The following PRKD3 variants were observed in gnomAD, a reference collection of about 807,000 sequenced individuals.
PRKD3 encodes the protein protein kinase D3.
A neutral mutation model predicts 99.2 loss-of-function variants in PRKD3; 47 were observed. The observed-to-expected ratio is 0.47, with a 90% CI of 0.38 to 0.60. The LOEUF (loss-of-function observed/expected upper bound fraction) is 0.60, where lower values mean the gene tolerates loss of function less well. Ranked by LOEUF, PRKD3 falls within the 20% of genes least tolerant of loss-of-function variation. The probability of loss-of-function intolerance (pLI) is 0.00; values close to 1 mark genes in which losing one functional copy is unlikely to be tolerated. For synonymous variants in PRKD3, 392 were observed against 355.4 expected (o/e 1.10, Z -1.16); for missense variants, 1,019 against 1,088.4 (o/e 0.94, Z 0.90).
intron 6 of PRKD3, among the ~76,000 whole-genome samples, chr2:37,283,073 C>A (rs1669929619): frequency 6.6e-6 from 1 of 152,210 alleles, no homozygotes; most frequent in African/African-American, 2.4e-5. Flanking sequence ...CTGAGTTTCT[C>A]CAGCACAAGG....
intron 13 of PRKD3, chr2:37,268,698 G>A (rs1392570383): frequency 5.6e-6 from 1 of 178,590 alleles, no homozygotes; most frequent in Non-Finnish European, 1.2e-5. Flanking sequence ...CACTAGAAGA[G>A]ACAAAGGGAT....
intron 1 of PRKD3, among the ~76,000 whole-genome samples, chr2:37,323,760 T>C (rs7584565): frequency 0.33 from 49,987 of 152,150 alleles, 8,991 homozygotes; most frequent in East Asian, 0.43. Context: ...TTTGTGGCTA[T>C]GTCTCATAAA....
intron 2 of PRKD3, among the ~76,000 whole-genome samples, chr2:37,303,059 C>T (rs1230627262): frequency 6.6e-6 from 1 of 152,096 alleles, no homozygotes; most frequent in East Asian, 1.9e-4. Context: ...CCTATAAAGA[C>T]CCCAGACTCA....
chr2:37,308,261 C>T (rs902409292), intron 2 of PRKD3, among the ~76,000 whole-genome samples: 8 of 152,036 alleles, frequency 5.3e-5, no homozygotes, highest in Non-Finnish European at 7.4e-5. Context: ...TATATGTATA[C>T]GTTATAATTT....
At chr2:37,291,691 A>G (rs1670433565) in intron 3 of PRKD3, among the ~76,000 whole-genome samples, 1 of 152,212 alleles carries the variant, frequency 6.6e-6, no homozygotes, top group Non-Finnish European at 1.5e-5. Flanking sequence ...TGATCAGTGT[A>G]GCAGGGAGTG....
Position 37,304,965 on chromosome 2 carries a change from A to T in PRKD3, c.288+11272T>A, listed in dbSNP as rs77560765. ...TGATGAATAGTAGAATTAAAAAAAA[A>T]TTTCTTCTTCCAGTTTGAGCTTTCA... On this transcript the variant is annotated intron_variant, in intron 2 of 18. Coordinates refer to ENST00000234179, the MANE Select transcript of PRKD3 (RefSeq NM_005813.6). Among the ~76,000 whole-genome samples the T allele has an allele frequency of 5.9e-5, 9 of 151,984 alleles. No individual in the cohort carries two copies. In the South Asian group the frequency reaches 1.5e-3, roughly 25 times the overall value.
intron 8 of PRKD3, chr2:37,278,924 G>A (rs1669705262): frequency 1.5e-5 from 2 of 129,242 alleles, no homozygotes; most frequent in Admixed American, 1.7e-4. Flanking sequence ...GACAGGGCGA[G>A]ACTCTGTCTC....
intron 18 of PRKD3, among the ~76,000 whole-genome samples, chr2:37,253,907 T>G (rs532968892): frequency 6.6e-6 from 1 of 152,352 alleles, no homozygotes; most frequent in East Asian, 1.9e-4. Context: ...AATCCTTCAG[T>G]AGACATTTAA....
intron 6 of PRKD3, among the ~76,000 whole-genome samples, chr2:37,284,047 C>A (rs183621407): frequency 2.0e-5 from 3 of 152,056 alleles, no homozygotes; most frequent in South Asian, 2.1e-4. Context: ...ACTTTACATA[C>A]GCTTTTAAGC....
chr2:37,291,191 T>C (rs1344240948), intron 3 of PRKD3, among the ~76,000 whole-genome samples, 192 bp from the exon 4 acceptor site: 1 of 152,200 alleles, frequency 6.6e-6, no homozygotes, highest in Non-Finnish European at 1.5e-5. Flanking sequence ...CTTCTCATCA[T>C]TTGAGCTCCA....
intron 1 of PRKD3, among the ~76,000 whole-genome samples, chr2:37,320,545 C>A (rs953246142): frequency 6.8e-6 from 1 of 147,520 alleles, no homozygotes; most frequent in Non-Finnish European, 1.5e-5. Flanking sequence ...GATTCTTGTG[C>A]CTCAGCCGCC....
At position 37,316,505 on chromosome 2, in the gene PRKD3, G is replaced by A. The variant is rs779557771; in HGVS notation, c.20C>T (p.Pro7Leu). The change falls in exon 2 of 19, where the codon CCT becomes CTT. Residue 7 changes from proline (P) to leucine (L), a missense_variant. Transcript: ENST00000234179. Reference protein sequence around the residue: MSANNSPPSAQKSVLPT... With the variant: MSANNSLPSAQKSVLPT... ...TAATACAGACTTCTGGGCTGATGGA[G>A]GGGAATTATTTGCAGACATCTGCCT... 2 of 1,613,440 alleles carry A rather than the reference G, an allele frequency of 1.2e-6. No homozygotes were observed. Among genetic ancestry groups the A allele is most frequent in the South Asian group, 1.1e-5 (1 of 90,978 alleles).
chr2:37,256,083 T>A (rs1459211568), intron 17 of PRKD3, among the ~76,000 whole-genome samples: 1 of 151,868 alleles, frequency 6.6e-6, no homozygotes, highest in Non-Finnish European at 1.5e-5. Flanking sequence ...TGTAGAGGAG[T>A]AGTCAGGGAA....
chr2:37,301,680 A>T (rs1160952238), intron 2 of PRKD3, among the ~76,000 whole-genome samples: 1 of 152,172 alleles, frequency 6.6e-6, no homozygotes, highest in African/African-American at 2.4e-5. Flanking sequence ...TGTTGTCTCT[A>T]TATTCTTCAA....
intron 13 of PRKD3, chr2:37,267,833 C>G (rs755954110): frequency 6.7e-6 from 2 of 297,182 alleles, no homozygotes; most frequent in Non-Finnish European, 1.2e-5. Flanking sequence ...TTACCCTGAC[C>G]TAGTCCTTCA....
At chr2:37,299,939 T>C (rs1239710971) in intron 2 of PRKD3, among the ~76,000 whole-genome samples, 1 of 152,156 alleles carries the variant, frequency 6.6e-6, no homozygotes, top group Non-Finnish European at 1.5e-5. Context: ...TTGGTGGGAA[T>C]GTAAATCAGT....
chr2:37,271,879 G>A (rs940449012), intron 12 of PRKD3, among the ~76,000 whole-genome samples: 6 of 152,184 alleles, frequency 3.9e-5, no homozygotes, highest in African/African-American at 1.4e-4. Flanking sequence ...TTGCTGACCT[G>A]TTATAAAACC....
rs758774136 is a variant in PRKD3, at chr2:37,286,257, T to A, written c.830A>T (p.His277Leu). The change falls in exon 6 of 19, where the codon CAC (histidine) becomes CTC (leucine). Residue 277 changes from histidine to leucine, a missense_variant. Coordinates refer to ENST00000234179, the MANE Select transcript of PRKD3 (RefSeq NM_005813.6). ...RVKVPHTFAVHSYTRPTICQY... is the reference protein window; with the variant it reads ...RVKVPHTFAVLSYTRPTICQY... Reference sequence around the variant, plus strand: ...ACATATCGTGGGACGGGTGTAAGAGTGAACAGCAAATGTGTGTGGAACTTT... The same window carrying A: ...ACATATCGTGGGACGGGTGTAAGAGAGAACAGCAAATGTGTGTGGAACTTT... The A allele has an allele frequency of 6.2e-7, 1 of 1,614,040 alleles. No individual in the cohort carries two copies. Among genetic ancestry groups the A allele is most frequent in the Non-Finnish European group, 8.5e-7 (1 of 1,179,984 alleles).
chr2:37,261,596 C>T (rs1668459047), intron 14 of PRKD3, among the ~76,000 whole-genome samples: 1 of 151,688 alleles, frequency 6.6e-6, no homozygotes, highest in Non-Finnish European at 1.5e-5. Flanking sequence ...GCCTGACCAA[C>T]ATGGAGAAAC....
Sources: allele counts gnomAD v4.1 joint callset (sites outside exome capture counted in the v4.1 genomes callset), GRCh38; gene constraint gnomAD v4.1.1; transcripts MANE v1.5; gene names NCBI Gene and HGNC (gene_info 2026-07-23, HGNC 2026-07-21).